RCAN2: variants seen among roughly 807,000 people sequenced by gnomAD.
RCAN2 encodes calcipressin-2.
A neutral mutation model predicts 23.6 loss-of-function variants in RCAN2; 9 were observed. That is an observed-to-expected ratio of 0.38 (90% CI 0.23 to 0.67). RCAN2 has a LOEUF of 0.67. Ranked by LOEUF, RCAN2 falls within the 30% of genes least tolerant of loss-of-function variation. The pLI, the probability that RCAN2 is intolerant of heterozygous loss-of-function variation, is 0.51. For synonymous variants in RCAN2, 109 were observed against 115.7 expected, an observed-to-expected ratio of 0.94 and a Z score of 0.37; for missense variants, 273 against 302.3, an observed-to-expected ratio of 0.90 and a Z score of 0.72.
intron 2 of RCAN2, among the ~76,000 whole-genome samples, chr6:46,406,590 A>G (rs1766413183): frequency 6.6e-6 from 1 of 152,224 alleles, no homozygotes; most frequent in East Asian, 1.9e-4. Context: ...TTAAAAGAAA[A>G]TGTTTCTGTC....
At chr6:46,360,401 G>GT (rs1198274041) in intron 2 of RCAN2, among the ~76,000 whole-genome samples, 1 of 151,908 alleles carries the variant, frequency 6.6e-6, no homozygotes, top group African/African-American at 2.4e-5. Flanking sequence ...GGGCGTGGTG[G>GT]TGGGCACCTG....
chr6:46,260,443 T>C (rs1345062), intron 2 of RCAN2, among the ~76,000 whole-genome samples: 117,721 of 151,984 alleles, frequency 0.77, 45,888 homozygotes, highest in Non-Finnish European at 0.81. Context: ...CTAAATCCAC[T>C]TTGTAAGTAC....
chr6:46,374,149 T>A (rs1033511842), intron 2 of RCAN2, among the ~76,000 whole-genome samples: 1 of 152,218 alleles, frequency 6.6e-6, no homozygotes, highest in Non-Finnish European at 1.5e-5. Flanking sequence ...ACAGAACACA[T>A]CTACTAAATT....
chr6:46,342,649 C>A, intron 2 of RCAN2, among the ~76,000 whole-genome samples: 1 of 150,996 alleles, frequency 6.6e-6, no homozygotes, highest in Non-Finnish European at 1.5e-5. Context: ...GAAAGGAAAG[C>A]CTAAATGAAC....
At chr6:46,233,717 A>C (rs1306039301) in intron 4 of RCAN2, among the ~76,000 whole-genome samples, 2 of 125,470 alleles carry the variant, frequency 1.6e-5, no homozygotes, top group African/African-American at 2.8e-5. Flanking sequence ...GATGAAGAAC[A>C]CTTCTTTTTT....
chr6:46,308,201 T>C (rs2150355068), intron 2 of RCAN2, among the ~76,000 whole-genome samples: 1 of 152,282 alleles, frequency 6.6e-6, no homozygotes, highest in East Asian at 1.9e-4. Context: ...AGGATGATCC[T>C]AACAGTTCTT....
chr6:46,314,327 A>C (rs1430607414), intron 2 of RCAN2, among the ~76,000 whole-genome samples: 3 of 147,206 alleles, frequency 2.0e-5, no homozygotes, highest in African/African-American at 5.0e-5. Flanking sequence ...GCAACACTGC[A>C]CTAAAGCCTG....
intron 2 of RCAN2, among the ~76,000 whole-genome samples, chr6:46,261,592 C>T (rs1384033014): frequency 6.6e-6 from 1 of 152,100 alleles, no homozygotes; most frequent in African/African-American, 2.4e-5. Flanking sequence ...TATCCGGAAC[C>T]AAGTATATTA....
chr6:46,365,884 C>G (rs1765159884), intron 2 of RCAN2, among the ~76,000 whole-genome samples: 1 of 152,144 alleles, frequency 6.6e-6, no homozygotes, highest in Non-Finnish European at 1.5e-5. Flanking sequence ...TTATTGGTGA[C>G]TTTCTTTGTG....
chr6:46,340,792 G>C (rs1470758196), intron 2 of RCAN2, among the ~76,000 whole-genome samples: 2 of 152,226 alleles, frequency 1.3e-5, no homozygotes, highest in Non-Finnish European at 2.9e-5. Context: ...GTGTATTGCT[G>C]TAAATGCAAA....
chr6:46,426,423 G>A (rs1249424335), intron 2 of RCAN2, among the ~76,000 whole-genome samples: 7 of 152,072 alleles, frequency 4.6e-5, no homozygotes, highest in African/African-American at 1.4e-4. Flanking sequence ...TTGGATAAAT[G>A]TTAATTCTTT....
chr6:46,437,177 T>C (rs544869077), intron 2 of RCAN2, among the ~76,000 whole-genome samples: 1 of 152,306 alleles, frequency 6.6e-6, no homozygotes, highest in East Asian at 1.9e-4. Flanking sequence ...GAACAGGCAA[T>C]AGGAAAACGA....
chr6:46,296,118 C>T (rs1762723623), intron 2 of RCAN2, among the ~76,000 whole-genome samples: 1 of 138,708 alleles, frequency 7.2e-6, no homozygotes, highest in Non-Finnish European at 1.6e-5. Context: ...TGTGTGTGTG[C>T]TGTCTTTGGC....
At chr6:46,284,282 T>A (rs905018377) in intron 2 of RCAN2, among the ~76,000 whole-genome samples, 2 of 152,108 alleles carry the variant, frequency 1.3e-5, no homozygotes, top group African/African-American at 4.8e-5. Context: ...ATATTTAGTC[T>A]CGGCAGAGTG....
At chr6:46,401,211 C>A (rs1319492747) in intron 2 of RCAN2, among the ~76,000 whole-genome samples, 3 of 152,154 alleles carry the variant, frequency 2.0e-5, no homozygotes, top group African/African-American at 7.2e-5. Context: ...ACAAGTTTGC[C>A]AACAGGTTTG....
chr6:46,290,007 G>C (rs2150344311), intron 2 of RCAN2, among the ~76,000 whole-genome samples: 1 of 152,266 alleles, frequency 6.6e-6, no homozygotes, highest in South Asian at 2.1e-4. Context: ...AAGTGAAGCA[G>C]CCAACTTGGA....
chr6:46,266,697 A>G (rs964487816), intron 2 of RCAN2, among the ~76,000 whole-genome samples: 8 of 152,168 alleles, frequency 5.3e-5, no homozygotes, highest in African/African-American at 9.7e-5. Context: ...ATCTCACTCA[A>G]TTGTAACTAC....
At chr6:46,279,887 A>G (rs1457974746) in intron 2 of RCAN2, among the ~76,000 whole-genome samples, 1 of 152,218 alleles carries the variant, frequency 6.6e-6, no homozygotes, top group East Asian at 1.9e-4. Context: ...TAACTCCCCA[A>G]AAAAGGGTTG....
chr6:46,337,896 G>A (rs1448440228), intron 2 of RCAN2, among the ~76,000 whole-genome samples: 1 of 152,198 alleles, frequency 6.6e-6, no homozygotes, highest in Admixed American at 6.5e-5. Flanking sequence ...GCTAGGGAAT[G>A]TGCTGATTTA....
Sources: allele counts gnomAD v4.1 joint callset (sites outside exome capture counted in the v4.1 genomes callset), GRCh38; gene constraint gnomAD v4.1.1; transcripts MANE v1.5; gene names NCBI Gene and HGNC (gene_info 2026-07-23, HGNC 2026-07-21).